CHST9: variants seen among roughly 807,000 people sequenced by gnomAD.
The protein encoded by CHST9 is GalNAc-4-sulfotransferase 2.
In CHST9, 41 loss-of-function variants were observed where a neutral mutation model predicts 44.4. That is an observed-to-expected ratio of 0.92 (90% CI 0.72 to 1.20). CHST9 has a LOEUF of 1.20. CHST9 is among the 50% of genes most tolerant of loss of function. The pLI is 0.00. For missense variants in CHST9, 504 were observed against 516.5 expected (o/e 0.98, Z 0.23); for synonymous variants, 171 against 178.4 (o/e 0.96, Z 0.33).
chr18:27,007,522 G>A (rs962096769), intron 4 of CHST9, among the ~76,000 whole-genome samples: 7 of 152,208 alleles, frequency 4.6e-5, no homozygotes, highest in Non-Finnish European at 1.0e-4. Context: ...TACAAGAGCA[G>A]ATATAATCAC....
At chr18:27,142,941 C>A in intron 1 of CHST9, 36 bp from the exon 2 acceptor site, 1 of 765,838 alleles carries the variant, frequency 1.3e-6, no homozygotes, top group Admixed American at 2.8e-5. Flanking sequence ...TTGTACATTT[C>A]TGCTAATATT....
chr18:27,159,901 C>A (rs1297856103), intron 1 of CHST9, among the ~76,000 whole-genome samples: 3 of 152,078 alleles, frequency 2.0e-5, no homozygotes, highest in African/African-American at 7.2e-5. Flanking sequence ...CATGATTTGG[C>A]TCTCTATTTG....
intron 2 of CHST9, among the ~76,000 whole-genome samples, chr18:27,082,025 CT>C (rs1443660990): frequency 6.6e-6 from 1 of 152,166 alleles, no homozygotes. Flanking sequence ...AATGTTTCCC[CT>C]GAGGGTAAGT....
chr18:27,172,609 T>C (rs538363722), intron 1 of CHST9, among the ~76,000 whole-genome samples: 2 of 152,106 alleles, frequency 1.3e-5, no homozygotes, highest in South Asian at 4.1e-4. Flanking sequence ...TGTCTTAATA[T>C]AAGCTGAAGA....
chr18:26,987,293 A>T (rs1039920212), intron 4 of CHST9, among the ~76,000 whole-genome samples: 9 of 151,916 alleles, frequency 5.9e-5, no homozygotes, highest in Non-Finnish European at 8.8e-5. Context: ...TTCCTCTTTG[A>T]CCTCTCTGCC....
intron 2 of CHST9, among the ~76,000 whole-genome samples, chr18:27,088,712 C>T (rs554315172): frequency 3.3e-5 from 5 of 152,092 alleles, no homozygotes; most frequent in Admixed American, 2.6e-4. Flanking sequence ...TTTTTTAATG[C>T]CTGTGTGCTG....
chr18:27,038,746 C>T (rs1162437059), intron 3 of CHST9, among the ~76,000 whole-genome samples: 1 of 151,978 alleles, frequency 6.6e-6, no homozygotes, highest in East Asian at 1.9e-4. Context: ...TTTCCATAGA[C>T]TACATTTTTC....
intron 2 of CHST9, among the ~76,000 whole-genome samples, chr18:27,054,536 A>G (rs1368746081): frequency 2.0e-5 from 3 of 152,204 alleles, no homozygotes; most frequent in African/African-American, 7.2e-5. Context: ...CTATTTATCT[A>G]TGTAAACTGA....
intron 4 of CHST9, among the ~76,000 whole-genome samples, chr18:27,011,363 A>G (rs1321968340): frequency 6.6e-6 from 1 of 152,242 alleles, no homozygotes; most frequent in Non-Finnish European, 1.5e-5. Flanking sequence ...AATCAGGCAC[A>G]CCAATGCCCT....
At chr18:27,148,323 T>G (rs1161232117) in intron 1 of CHST9, among the ~76,000 whole-genome samples, 1 of 151,878 alleles carries the variant, frequency 6.6e-6, no homozygotes, top group African/African-American at 2.4e-5. Context: ...TTGTTACATA[T>G]GTACACATGT....
intron 2 of CHST9, among the ~76,000 whole-genome samples, chr18:27,133,220 G>GT (rs1171461082): frequency 1.4e-4 from 21 of 152,256 alleles, no homozygotes; most frequent in African/African-American, 4.1e-4. Flanking sequence ...GTGCATCATT[G>GT]TTTATATGTG....
intron 4 of CHST9, among the ~76,000 whole-genome samples, chr18:26,999,074 A>G (rs369017967): frequency 9.9e-5 from 15 of 152,232 alleles, no homozygotes; most frequent in African/African-American, 3.4e-4. Flanking sequence ...AATAAAAATC[A>G]CTTATTCAGT....
intron 5 of CHST9, among the ~76,000 whole-genome samples, chr18:26,923,381 A>G (rs1408873482): frequency 1.3e-5 from 2 of 152,236 alleles, no homozygotes; most frequent in African/African-American, 4.8e-5. Context: ...ATTTCATTAA[A>G]TGTCAGTGTG....
At chr18:27,174,896 T>C (rs1035252754) in intron 1 of CHST9, among the ~76,000 whole-genome samples, 1 of 152,054 alleles carries the variant, frequency 6.6e-6, no homozygotes, top group Non-Finnish European at 1.5e-5. Context: ...CATTTGTTTT[T>C]GAGCAATTCC....
At chr18:26,973,318 C>G (rs1218819363) in intron 4 of CHST9, among the ~76,000 whole-genome samples, 2 of 152,098 alleles carry the variant, frequency 1.3e-5, no homozygotes, top group Non-Finnish European at 2.9e-5. Context: ...AGAGTGGTAC[C>G]TGGCAGAATT....
intron 4 of CHST9, among the ~76,000 whole-genome samples, chr18:26,996,421 G>A (rs1391762032): frequency 6.6e-6 from 1 of 152,166 alleles, no homozygotes; most frequent in Non-Finnish European, 1.5e-5. Flanking sequence ...GCTCGGTGCT[G>A]TCCTCATGAT....
At chr18:26,969,370 C>CTGTGTGTGTGTGTGTG (rs577001525) in intron 4 of CHST9, among the ~76,000 whole-genome samples, 3 of 121,910 alleles carry the variant, frequency 2.5e-5, no homozygotes, top group African/African-American at 9.4e-5. Context: ...TTCTCTCTCT[C>CTGTGTGTGTGTGTGTG]TCTCTCTGTG....
At chr18:27,023,714 G>A (rs959233423) in intron 4 of CHST9, among the ~76,000 whole-genome samples, 1 of 152,208 alleles carries the variant, frequency 6.6e-6, no homozygotes, top group Admixed American at 6.5e-5. Flanking sequence ...CTGAATTAAT[G>A]AGGTTTTACT....
intron 2 of CHST9, among the ~76,000 whole-genome samples, chr18:27,109,585 C>T (rs747726581): frequency 1.8e-4 from 28 of 152,170 alleles, no homozygotes; most frequent in Non-Finnish European, 4.1e-4. Context: ...AATGTAGCTG[C>T]GACAGCTTGT....
Sources: allele counts gnomAD v4.1 joint callset (sites outside exome capture counted in the v4.1 genomes callset), GRCh38; gene constraint gnomAD v4.1.1; transcripts MANE v1.5; gene names NCBI Gene and HGNC (gene_info 2026-07-23, HGNC 2026-07-21).